PRTG: variants seen among roughly 807,000 people sequenced by gnomAD.
PRTG encodes immunoglobulin superfamily, DCC subclass, member 5.
A neutral mutation model predicts 122.5 loss-of-function variants in PRTG; 67 were observed. That is an observed-to-expected ratio of 0.55 (90% CI 0.45 to 0.67). The LOEUF (loss-of-function observed/expected upper bound fraction) is 0.67. Among genes scored for constraint, PRTG ranks in the 30% least tolerant of loss-of-function variants. PRTG has a pLI of 0.00. For missense variants in PRTG, 1,435 were observed against 1,415.4 expected (o/e 1.01, Z -0.22); for synonymous variants, 554 against 501.1 (o/e 1.11, Z -1.41).
At chr15:55,637,087 A>G (rs72748427) in intron 15 of PRTG, 83 bp downstream of exon 15, 33,649 of 1,165,998 alleles carry the variant, frequency 0.029, 641 homozygotes, top group Middle Eastern at 0.071. Flanking sequence ...AATTCAAAAT[A>G]AACTCTAGAT....
intron 19 of PRTG, 23 bp from the exon 20 acceptor site, chr15:55,620,289 G>A: frequency 6.2e-7 from 1 of 1,611,986 alleles, no homozygotes; most frequent in South Asian, 1.1e-5. Context: ...AGATAAGATG[G>A]CAATGAGATA....
At position 55,706,014 on chromosome 15, in the gene PRTG, A is replaced by ATTTTTTTTTT. The variant is rs56275705; in HGVS notation, c.398-22093_398-22084dup. Among the ~76,000 whole-genome samples the ATTTTTTTTTT allele has an allele frequency of 4.1e-4, 39 of 94,358 alleles. 1 individual carries two copies. The highest frequency in any genetic ancestry group is 1.2e-3 in the African/African-American group (27 of 22,160). 61.9% of individuals were successfully genotyped at this position (94,358 alleles called of 152,430 possible). On this transcript the variant is annotated intron_variant, in intron 2 of 19. Coordinates refer to ENST00000389286, the MANE Select transcript of PRTG (RefSeq NM_173814.6). ...ATGCGCATGCCACCATGCCCAGCTA[A>ATTTTTTTTTT]TTTTTTTTTTTTTTTTTTTGTATTT...
intron 2 of PRTG, among the ~76,000 whole-genome samples, chr15:55,716,193 A>T (rs562225307): frequency 6.6e-6 from 1 of 152,360 alleles, no homozygotes; most frequent in Non-Finnish European, 1.5e-5. Flanking sequence ...AGATCGTGGC[A>T]CTGCACTCCA....
At chr15:55,719,786 C>T (rs1421929507) in intron 2 of PRTG, among the ~76,000 whole-genome samples, 1 of 152,134 alleles carries the variant, frequency 6.6e-6, no homozygotes, top group African/African-American at 2.4e-5. Context: ...TGGCCCGGCG[C>T]ACTGACTCAT....
chr15:55,646,173 G>T (rs1352159684), intron 11 of PRTG, among the ~76,000 whole-genome samples: 1 of 124,310 alleles, frequency 8.0e-6, no homozygotes, highest in Admixed American at 8.3e-5. Flanking sequence ...TGCCCAGCTA[G>T]TTTTTTTTTT....
intron 11 of PRTG, among the ~76,000 whole-genome samples, chr15:55,664,141 T>C (rs952515463): frequency 6.6e-6 from 1 of 151,278 alleles, no homozygotes; most frequent in African/African-American, 2.4e-5. Flanking sequence ...GGGTGGGAGG[T>C]GTTTTTGTTT....
At chr15:55,717,567 T>C (rs1323653205) in intron 2 of PRTG, among the ~76,000 whole-genome samples, 4 of 152,242 alleles carry the variant, frequency 2.6e-5, no homozygotes, top group Non-Finnish European at 4.4e-5. Context: ...TAAATGTATG[T>C]CAGTAATGAA....
intron 18 of PRTG, among the ~76,000 whole-genome samples, chr15:55,621,686 G>A (rs2059167226): frequency 6.6e-6 from 1 of 151,892 alleles, no homozygotes; most frequent in African/African-American, 2.4e-5. Flanking sequence ...CACAAAACAG[G>A]TAGTACAACA....
At chr15:55,643,322 T>C (rs1349605647) in intron 11 of PRTG, among the ~76,000 whole-genome samples, 1 of 152,196 alleles carries the variant, frequency 6.6e-6, no homozygotes, top group Non-Finnish European at 1.5e-5. Flanking sequence ...TAACCTAGCA[T>C]TTGACTATCC....
At chr15:55,653,269 C>G (rs766749448) in intron 11 of PRTG, among the ~76,000 whole-genome samples, 5 of 152,048 alleles carry the variant, frequency 3.3e-5, no homozygotes, top group Non-Finnish European at 7.4e-5. Context: ...GAGTACTTGT[C>G]TAAACCTGAA....
chr15:55,637,294 A>T lies in PRTG; in HGVS notation c.2499T>A (p.Asp833Glu). 1.9e-6 allele frequency: 3 copies of T among 1,613,938 alleles called. No homozygotes were observed. The highest frequency in any genetic ancestry group is 2.5e-6 in the Non-Finnish European group (3 of 1,179,946). ...PVGVKVTLIE[D>E]DTALVSWKPP... ...GTTTCCAAGAAACCAGGGCAGTGTC[A>T]TCCTCTATTAATGTCACTTTTACTC... The change falls in exon 15 of 20, where the codon GAT becomes GAA. Residue 833 changes from aspartate (D) to glutamate (E), a missense_variant. Physicochemically the swap from Asp to Glu is conservative, Grantham distance 45. Coordinates refer to ENST00000389286, the MANE Select transcript of PRTG (RefSeq NM_173814.6).
In PRTG at chr15:55,612,714, A is replaced by ATATATATATG. The variant is rs2059125988; in HGVS notation, c.*7297_*7298insCATATATATA. On this transcript the variant is annotated 3_prime_UTR_variant, in exon 20 of 20. Coordinates refer to ENST00000389286, the MANE Select transcript of PRTG (RefSeq NM_173814.6). ...TAAAAGCCAATATATATATATATAT[A>ATATATATATG]TATATATATATATATATATATATAT... is the stretch of plus-strand genomic sequence containing the variant. 1 of 13,604 alleles carries ATATATATATG rather than the reference A, an allele frequency of 7.4e-5. No homozygotes were observed. The highest frequency in any genetic ancestry group is 9.5e-5 in the African/African-American group (1 of 10,494). The allele number at this position is 13,604 out of a possible 1,614,324, so 0.8% of individuals were successfully genotyped here.
intron 11 of PRTG, among the ~76,000 whole-genome samples, chr15:55,642,212 C>CATT (rs2059295769): frequency 6.9e-6 from 1 of 145,644 alleles, no homozygotes; most frequent in Non-Finnish European, 1.5e-5. Context: ...AATAGTTATA[C>CATT]ATTTCAACTC....
intron 11 of PRTG, among the ~76,000 whole-genome samples, chr15:55,643,441 G>A (rs541482889): frequency 6.6e-6 from 1 of 152,238 alleles, no homozygotes; most frequent in South Asian, 2.1e-4. Flanking sequence ...TGTTTCTTTT[G>A]TTTGTTTTCT....
At chr15:55,637,083 A>C in intron 15 of PRTG, 87 bp downstream of exon 15, 1 of 1,167,370 alleles carries the variant, frequency 8.6e-7, no homozygotes, top group Non-Finnish European at 1.2e-6. Flanking sequence ...TGTAAATTCA[A>C]AATAAACTCT....
intron 18 of PRTG, among the ~76,000 whole-genome samples, chr15:55,622,045 T>C (rs973581781): frequency 6.6e-6 from 1 of 151,974 alleles, no homozygotes; most frequent in African/African-American, 2.4e-5. Flanking sequence ...TTAAGAGAGA[T>C]ACTCTCCAAA....
chr15:55,731,098 G>C lies in PRTG; in HGVS notation c.397+9284C>G, dbSNP rs75232664. On this transcript the variant is annotated intron_variant, in intron 2 of 19. Transcript: ENST00000389286. The stretch of plus-strand genomic sequence containing the variant: ...AACAAGTCTAAACATTGGGAGATCA[G>C]TGGAAAATAATGATGTACTTTGTCT... 6.2e-5 allele frequency among the ~76,000 whole-genome samples: 9 copies of C among 144,822 alleles called. No homozygotes were observed. The East Asian group carries it at 1.8e-3, about 29-fold the overall frequency.
intron 13 of PRTG, 141 bp downstream of exon 13, chr15:55,639,501 C>T: frequency 3.2e-6 from 2 of 628,058 alleles, no homozygotes; most frequent in Middle Eastern, 2.9e-4. Context: ...AAACTCCTAG[C>T]CACTTCATAA....
intron 2 of PRTG, among the ~76,000 whole-genome samples, chr15:55,717,823 C>A (rs1435330627): frequency 2.0e-5 from 3 of 152,320 alleles, no homozygotes; most frequent in African/African-American, 7.2e-5. Flanking sequence ...GGCTGACTCT[C>A]TTTTGGGACT....
Sources: allele counts gnomAD v4.1 joint callset (sites outside exome capture counted in the v4.1 genomes callset), GRCh38; gene constraint gnomAD v4.1.1; transcripts MANE v1.5; gene names NCBI Gene and HGNC (gene_info 2026-07-23, HGNC 2026-07-21).